MTREX: variants seen among roughly 807,000 people sequenced by gnomAD.
MTREX encodes the protein exosome RNA helicase MTR4.
In MTREX, 76 loss-of-function variants were observed where a neutral mutation model predicts 135.4. The ratio of observed to expected loss-of-function variants is 0.56; its 90% confidence interval spans 0.47 to 0.68. The LOEUF is 0.68. MTREX is among the 30% of genes least tolerant of loss of function. MTREX has a pLI of 0.00. For missense variants in MTREX, 920 were observed against 1,262.1 expected (o/e 0.73, Z 4.11); for synonymous variants, 404 against 401.6 (o/e 1.01, Z -0.07).
intron 5 of MTREX, among the ~76,000 whole-genome samples, chr5:55,339,045 G>C (rs1278497052): frequency 6.6e-6 from 1 of 151,958 alleles, no homozygotes; most frequent in Non-Finnish European, 1.5e-5. Flanking sequence ...ACCCACCTCA[G>C]CCTCCCTAAA....
At chr5:55,406,019 G>T (rs1489397770) in intron 22 of MTREX, among the ~76,000 whole-genome samples, 2 of 151,928 alleles carry the variant, frequency 1.3e-5, no homozygotes, top group African/African-American at 4.8e-5. Flanking sequence ...TTGAAACTTA[G>T]CCTAGTAACC....
At chr5:55,417,084 T>A (rs1750977340) in intron 25 of MTREX, among the ~76,000 whole-genome samples, 1 of 152,228 alleles carries the variant, frequency 6.6e-6, no homozygotes, top group Non-Finnish European at 1.5e-5. Flanking sequence ...TTAAGGTTTT[T>A]AATGTTAAAG....
At chr5:55,341,094 C>T (rs1050377124) in intron 6 of MTREX, among the ~76,000 whole-genome samples, 1 of 152,146 alleles carries the variant, frequency 6.6e-6, no homozygotes, top group African/African-American at 2.4e-5. Flanking sequence ...GGAGAACCAG[C>T]CAAAAGCATT....
At chr5:55,327,609 T>C (rs1397534510) in intron 3 of MTREX, 107 bp from the exon 4 acceptor site, 2 of 825,500 alleles carry the variant, frequency 2.4e-6, no homozygotes, top group Non-Finnish European at 4.0e-6. Flanking sequence ...TTCATCACTC[T>C]AGTTCATCAG....
rs201819040 is a variant in MTREX, at chr5:55,400,186, C to A, written c.2293-47C>A. ...GAAACACTGATTTGGTTTGGTCTTA[C>A]TAATTTTGACTATAAGATGAAAATG... On this transcript the variant is annotated intron_variant, in intron 20 of 26. Transcript: ENST00000230640. 2.5e-5 allele frequency: 35 copies of A among 1,418,958 alleles called. No homozygotes were observed. In the African/African-American group the frequency reaches 3.3e-4, roughly 13 times the overall value. The allele number at this position is 1,418,958 out of a possible 1,614,324, so 87.9% of individuals were successfully genotyped here. A position where few individuals can be genotyped will look rare whatever the true frequency, so the allele number is the denominator to read the frequency against.
chr5:55,375,271 T>C (rs1470836099), intron 16 of MTREX, among the ~76,000 whole-genome samples: 2 of 152,204 alleles, frequency 1.3e-5, no homozygotes, highest in African/African-American at 4.8e-5. Context: ...GAATTTCCTC[T>C]ACCTAATAAG....
intron 1 of MTREX, among the ~76,000 whole-genome samples, chr5:55,309,397 TAGAC>T (rs1177972006): frequency 1.6e-4 from 25 of 152,096 alleles, no homozygotes; most frequent in Non-Finnish European, 2.2e-4. Flanking sequence ...GGAAAGAAGA[TAGAC>T]AGTGAGAAAG....
intron 16 of MTREX, among the ~76,000 whole-genome samples, chr5:55,371,999 C>T (rs28376797): frequency 0.14 from 21,328 of 151,986 alleles, 1,888 homozygotes; most frequent in East Asian, 0.26. Flanking sequence ...GGATGCTTCC[C>T]TGTTATCCCC....
At chr5:55,326,797 A>G (rs1749385607) in intron 3 of MTREX, among the ~76,000 whole-genome samples, 3 of 152,122 alleles carry the variant, frequency 2.0e-5, no homozygotes, top group African/African-American at 7.2e-5. Context: ...TGCTGCACCC[A>G]TCATCCTGTC....
At chr5:55,343,222 A>C in intron 7 of MTREX, 109 bp from the exon 8 acceptor site, 1 of 970,852 alleles carries the variant, frequency 1.0e-6, no homozygotes, top group Non-Finnish European at 1.5e-6. Context: ...ATTCTTGAGT[A>C]AAGTCTGCAT....
Position 55,309,188 on chromosome 5 carries a change from G to A in MTREX, c.134+1041G>A, listed in dbSNP as rs557818883. Among the ~76,000 whole-genome samples the A allele has an allele frequency of 8.5e-5, 13 of 152,272 alleles. No homozygotes were observed. In the East Asian group the frequency reaches 2.5e-3, roughly 29 times the overall value. ...TTTTAGGAGCATAAATTGAGCAAGAGGAACTGTTTCATTTAGGGACTACAA... is the reference window on the plus strand; with the variant it reads ...TTTTAGGAGCATAAATTGAGCAAGAAGAACTGTTTCATTTAGGGACTACAA... On this transcript the variant is annotated intron_variant, in intron 1 of 26. Coordinates refer to ENST00000230640, the MANE Select transcript of MTREX (RefSeq NM_015360.5).
rs763278465 is a variant in MTREX, at chr5:55,378,450, C to T, written c.1947C>T (p.Tyr649=). 10 of 1,610,030 alleles carry T rather than the reference C, an allele frequency of 6.2e-6. No homozygotes were observed. Among genetic ancestry groups the T allele is most frequent in the Non-Finnish European group, 8.5e-6 (10 of 1,178,772 alleles). ...AAGAATATATTCACAAACCAAAATA[C>T]TGCTTACCTTTTCTACAACCAGGTC... ...EIEEYIHKPK[Y]CLPFLQPGRL... The change falls in exon 17 of 27, where the codon TAC becomes TAT. Residue 649 remains tyrosine, a synonymous_variant. Transcript: ENST00000230640.
chr5:55,324,292 G>A, intron 3 of MTREX, 94 bp downstream of exon 3: 2 of 803,814 alleles, frequency 2.5e-6, no homozygotes, highest in Admixed American at 2.3e-5. Context: ...TTAGCCATGA[G>A]GACCTTGGAA....
At chr5:55,421,090 T>G (rs890467489) in intron 25 of MTREX, among the ~76,000 whole-genome samples, 2 of 152,218 alleles carry the variant, frequency 1.3e-5, no homozygotes, top group African/African-American at 2.4e-5. Flanking sequence ...AATGTGGTTT[T>G]GTTTTGTTTC....
At chr5:55,317,550 A>T (rs181282513) in intron 1 of MTREX, among the ~76,000 whole-genome samples, 1 of 152,240 alleles carries the variant, frequency 6.6e-6, no homozygotes, top group African/African-American at 2.4e-5. Context: ...TATTCAATAA[A>T]TGCTGCTGGG....
intron 22 of MTREX, among the ~76,000 whole-genome samples, chr5:55,408,936 T>C (rs1313139857): frequency 1.4e-5 from 2 of 147,608 alleles, no homozygotes; most frequent in Non-Finnish European, 3.0e-5. Flanking sequence ...TTTATTTATT[T>C]ATTTATTTAT....
At chr5:55,358,775 G>A (rs1446456873) in intron 15 of MTREX, 77 bp downstream of exon 15, 1 of 1,276,760 alleles carries the variant, frequency 7.8e-7, no homozygotes, top group South Asian at 1.6e-5. Flanking sequence ...AATTGGTTGT[G>A]TCAGTCAGAC....
At chr5:55,418,106 A>C (rs1044572310) in intron 25 of MTREX, among the ~76,000 whole-genome samples, 50 of 151,124 alleles carry the variant, frequency 3.3e-4, no homozygotes, top group Non-Finnish European at 4.7e-4. Flanking sequence ...TGGTGGCAGG[A>C]GCCTGTAGTC....
Position 55,416,068 on chromosome 5 carries a change from A to C in MTREX, c.2907A>C (p.Val969=), listed in dbSNP as rs984921387. The C allele has an allele frequency of 3.8e-6, 6 of 1,597,746 alleles. No homozygotes were observed. The highest frequency in any genetic ancestry group is 5.1e-6 in the Non-Finnish European group (6 of 1,174,718). ...CATTTAAACCTCACTTAATGGATGT[A>C]GTATATACCTGGGCAACTGGAGCTA... ...LSSFKPHLMD[V]VYTWATGATF... Residue 969 remains valine, a synonymous_variant, in exon 25 of 27, where the codon GTA becomes GTC. Transcript: ENST00000230640.
Sources: allele counts gnomAD v4.1 joint callset (sites outside exome capture counted in the v4.1 genomes callset), GRCh38; gene constraint gnomAD v4.1.1; transcripts MANE v1.5; gene names NCBI Gene and HGNC (gene_info 2026-07-23, HGNC 2026-07-21).